Variants in TET2 observed in about 807,000 individuals in gnomAD.
The protein encoded by TET2 is methylcytosine dioxygenase TET2.
A neutral mutation model predicts 142.9 loss-of-function variants in TET2; 299 were observed. The ratio of observed to expected loss-of-function variants is 2.09; its 90% CI spans 1.90 to 2.30. TET2 has a LOEUF of 2.30. Ranked by LOEUF, TET2 falls within the 30% of genes most tolerant of loss-of-function variation. The probability of loss-of-function intolerance (pLI) is 0.00; values close to 1 mark genes in which losing one functional copy is unlikely to be tolerated. For synonymous variants in TET2, 819 were observed against 849.0 expected (o/e 0.96, Z 0.61); for missense variants, 2,418 against 2,378.0 (o/e 1.02, Z -0.35).
chr4:105,275,532 C>A lies in TET2; in HGVS notation c.5022C>A (p.Pro1674=). ...CTCTGTCTAAGCTCAGTCTACCACCCATCCATACACTTTACCAGCCAAGGT... is the reference window on the plus strand; with the variant it reads ...CTCTGTCTAAGCTCAGTCTACCACCAATCCATACACTTTACCAGCCAAGGT... ...QDPLSKLSLP[P]IHTLYQPRFG... is the part of the protein sequence containing the mutation. The change falls in exon 11 of 11, where the codon CCC becomes CCA. Residue 1674 remains proline, a synonymous_variant. Coordinates refer to ENST00000380013, the MANE Select transcript of TET2 (RefSeq NM_001127208.3). The A allele has an allele frequency of 1.3e-6, 2 of 1,551,696 alleles. No homozygotes were observed. Among genetic ancestry groups the A allele is most frequent in the Non-Finnish European group, 1.7e-6 (2 of 1,146,966 alleles).
At chr4:105,265,967 G>T (rs1238383789) in intron 8 of TET2, among the ~76,000 whole-genome samples, 7 of 152,132 alleles carry the variant, frequency 4.6e-5, no homozygotes, top group Non-Finnish European at 1.0e-4. Context: ...AGAGGCCAAG[G>T]TGACGAGAGT....
At chr4:105,232,078 A>T (rs1159518937) in intron 2 of TET2, among the ~76,000 whole-genome samples, 1 of 152,052 alleles carries the variant, frequency 6.6e-6, no homozygotes, top group Non-Finnish European at 1.5e-5. Flanking sequence ...CTTTGTGTCC[A>T]TGTGTTCTTG....
intron 2 of TET2, among the ~76,000 whole-genome samples, chr4:105,229,500 G>A (rs1267630871): frequency 6.6e-6 from 1 of 151,982 alleles, no homozygotes; most frequent in East Asian, 1.9e-4. Context: ...TAGTAGTGGC[G>A]GTGTTTGACC....
intron 1 of TET2, among the ~76,000 whole-genome samples, chr4:105,169,645 G>A (rs1211999965): frequency 6.6e-6 from 1 of 152,096 alleles, no homozygotes; most frequent in African/African-American, 2.4e-5. Context: ...TGGTCATGAA[G>A]TCTTTACCTA....
At chr4:105,239,836 C>T (rs1328394516) in intron 3 of TET2, 1 of 230,808 alleles carries the variant, frequency 4.3e-6, no homozygotes, top group Non-Finnish European at 8.8e-6. Flanking sequence ...TCATATCTAG[C>T]TTTTGATTTA....
intron 2 of TET2, among the ~76,000 whole-genome samples, chr4:105,191,248 TC>T (rs368936953): frequency 6.6e-5 from 10 of 152,306 alleles, no homozygotes; most frequent in African/African-American, 2.4e-4. Flanking sequence ...TTAATCATGT[TC>T]TTATAATTAT....
At chr4:105,272,254 G>A (rs1338624093) in intron 9 of TET2, among the ~76,000 whole-genome samples, 1 of 152,120 alleles carries the variant, frequency 6.6e-6, no homozygotes, top group African/African-American at 2.4e-5. Context: ...CTTCATTTTG[G>A]GGGAGTGTTG....
chr4:105,147,065 C>T (rs1037041966), intron 1 of TET2, 86 bp downstream of exon 1: 2 of 152,268 alleles, frequency 1.3e-5, no homozygotes, highest in African/African-American at 4.8e-5. Flanking sequence ...GGGGAGCAAA[C>T]CCTGTAGTGT....
intron 2 of TET2, among the ~76,000 whole-genome samples, chr4:105,207,154 CTTTTA>C (rs1488615869): frequency 1.3e-5 from 2 of 152,086 alleles, no homozygotes; most frequent in African/African-American, 4.8e-5. Flanking sequence ...TGACCAGTTG[CTTTTA>C]TAAGATTCTC....
intron 1 of TET2, among the ~76,000 whole-genome samples, chr4:105,189,084 T>G (rs949861538): frequency 1.3e-5 from 2 of 152,140 alleles, no homozygotes; most frequent in Non-Finnish European, 2.9e-5. Context: ...GATGCCATGT[T>G]TCTAAAGAAG....
chr4:105,233,427 C>CACAGTGAT, intron 2 of TET2, among the ~76,000 whole-genome samples: 1 of 143,728 alleles, frequency 7.0e-6, no homozygotes, highest in Non-Finnish European at 1.5e-5. Context: ...CAGGAGGAGG[C>CACAGTGAT]ACAGTGATAA....
chr4:105,232,176 G>A (rs1728547948), intron 2 of TET2, among the ~76,000 whole-genome samples: 1 of 152,108 alleles, frequency 6.6e-6, no homozygotes, highest in Non-Finnish European at 1.5e-5. Flanking sequence ...CTCCATCCAT[G>A]TTGCTGCACA....
Position 105,192,138 on chromosome 4 carries a change from T to C in TET2, c.-47+1633T>C, listed in dbSNP as rs183824900. Among the ~76,000 whole-genome samples the C allele has an allele frequency of 9.2e-5, 14 of 152,204 alleles. No homozygotes were observed. The East Asian group carries it at 2.3e-3, about 25-fold the overall frequency. Reference sequence around the variant, plus strand: ...ATAACATTAGTCAGAAGATTTTCTCTTCTTGAACGTTAAGCCTGGGTAAGG... The same window carrying C: ...ATAACATTAGTCAGAAGATTTTCTCCTCTTGAACGTTAAGCCTGGGTAAGG... On this transcript the variant is annotated intron_variant, in intron 2 of 10. Transcript: ENST00000380013.
At chr4:105,231,838 A>G (rs958625717) in intron 2 of TET2, among the ~76,000 whole-genome samples, 3 of 152,282 alleles carry the variant, frequency 2.0e-5, no homozygotes, top group South Asian at 4.2e-4. Flanking sequence ...GGCTTTCTCT[A>G]TTATTGGGAC....
chr4:105,199,357 CTT>C (rs1726302944), intron 2 of TET2, among the ~76,000 whole-genome samples: 1 of 152,104 alleles, frequency 6.6e-6, no homozygotes, highest in Non-Finnish European at 1.5e-5. Context: ...AGGTTTTTGT[CTT>C]TTTTTCAGGC....
rs576855891 is a variant in TET2 at position 105,182,706 on chromosome 4, T to C, written c.-192-7654T>C. Among the ~76,000 whole-genome samples, 214 of 152,332 alleles carry C rather than the reference T, an allele frequency of 1.4e-3. 1 individual carries two copies. The highest frequency in any genetic ancestry group is 4.7e-3 in the African/African-American group (194 of 41,586). On this transcript the variant is annotated intron_variant, in intron 1 of 10. Transcript: ENST00000380013. ...TTTTTAGAATGAACATTAGAGAATA[T>C]TGTTACTGAAGGAATTTTTTTAAAA...
chr4:105,248,901 A>C (rs1288422002), intron 6 of TET2, among the ~76,000 whole-genome samples: 1 of 152,008 alleles, frequency 6.6e-6, no homozygotes, highest in Non-Finnish European at 1.5e-5. Context: ...GTATTAGTGA[A>C]ATCATGTATT....
chr4:105,225,817 CA>C (rs1331986765), intron 2 of TET2, among the ~76,000 whole-genome samples: 8 of 152,104 alleles, frequency 5.3e-5, no homozygotes, highest in Non-Finnish European at 1.2e-4. Context: ...GTGACATTAT[CA>C]GGGGAGATTC....
chr4:105,258,624 T>G (rs1040672569), intron 6 of TET2, among the ~76,000 whole-genome samples: 3 of 152,182 alleles, frequency 2.0e-5, no homozygotes, highest in African/African-American at 7.2e-5. Flanking sequence ...TTCATACTGA[T>G]TTTTCCTATT....
Sources: allele counts gnomAD v4.1 joint callset (sites outside exome capture counted in the v4.1 genomes callset), GRCh38; gene constraint gnomAD v4.1.1; transcripts MANE v1.5; gene names NCBI Gene and HGNC (gene_info 2026-07-23, HGNC 2026-07-21).